CNTNAP5: variants seen among roughly 807,000 people sequenced by gnomAD.
CNTNAP5 encodes the protein contactin-associated protein-like 5.
CNTNAP5 carries 72 observed loss-of-function variants against 150.2 expected under a neutral mutation model. The ratio of observed to expected loss-of-function variants is 0.48; its 90% confidence interval spans 0.40 to 0.58. The LOEUF is 0.58. CNTNAP5 is among the 20% of genes least tolerant of loss of function. The pLI is 0.00. For synonymous variants in CNTNAP5, 672 were observed against 619.8 expected (o/e 1.08, Z -1.25); for missense variants, 1,636 against 1,626.2 (o/e 1.01, Z -0.10).
intron 19 of CNTNAP5, among the ~76,000 whole-genome samples, chr2:124,854,268 C>T (rs1046125698): frequency 8.5e-5 from 13 of 152,318 alleles, no homozygotes; most frequent in African/African-American, 2.9e-4. Flanking sequence ...TGCTGCCACA[C>T]ATCTCTTTTG....
chr2:124,805,672 G>A (rs190077540), intron 19 of CNTNAP5, among the ~76,000 whole-genome samples: 19 of 152,308 alleles, frequency 1.2e-4, no homozygotes, highest in African/African-American at 4.3e-4. Context: ...TGCCAGGGCT[G>A]CCAAAACAAA....
intron 19 of CNTNAP5, among the ~76,000 whole-genome samples, chr2:124,847,661 G>C (rs1371042388): frequency 6.6e-6 from 1 of 152,136 alleles, no homozygotes; most frequent in Non-Finnish European, 1.5e-5. Context: ...ACGTTCCTGT[G>C]GTAGTTCTTG....
chr2:124,258,863 CT>C (rs35963035), intron 3 of CNTNAP5, among the ~76,000 whole-genome samples: 296 of 148,662 alleles, frequency 2.0e-3, no homozygotes, highest in Admixed American at 2.8e-3. Flanking sequence ...TCCAGTAATA[CT>C]TTTTTTTTTT....
At chr2:124,597,630 G>A (rs1696860494) in intron 11 of CNTNAP5, among the ~76,000 whole-genome samples, 1 of 149,732 alleles carries the variant, frequency 6.7e-6, no homozygotes, top group Non-Finnish European at 1.5e-5. Context: ...TCTTGGAGTT[G>A]CTCTTCTCGA....
chr2:124,893,257 G>T (rs1055726792), intron 21 of CNTNAP5, among the ~76,000 whole-genome samples: 1 of 151,974 alleles, frequency 6.6e-6, no homozygotes, highest in African/African-American at 2.4e-5. Flanking sequence ...CTTTAAAATG[G>T]GCAGAGTAAC....
chr2:124,598,050 T>G (rs1229592114), intron 11 of CNTNAP5, among the ~76,000 whole-genome samples: 1 of 66,418 alleles, frequency 1.5e-5, no homozygotes, highest in Non-Finnish European at 2.9e-5. Context: ...TTCTTCTAAA[T>G]TTTTTTCAAA....
At chr2:124,091,041 T>C (rs1488044094) in intron 1 of CNTNAP5, among the ~76,000 whole-genome samples, 1 of 152,048 alleles carries the variant, frequency 6.6e-6, no homozygotes. Flanking sequence ...AGATTAAAGA[T>C]GTGTAGGGTT....
intron 16 of CNTNAP5, among the ~76,000 whole-genome samples, chr2:124,768,394 A>G (rs1310295419): frequency 2.0e-5 from 3 of 150,224 alleles, no homozygotes; most frequent in Non-Finnish European, 4.5e-5. Context: ...TTTCAGAAGT[A>G]TCATACTGAG....
intron 1 of CNTNAP5, among the ~76,000 whole-genome samples, chr2:124,215,712 C>CAAAAAAAAAAAAAAAAAAAAAAAACA (rs397985759): frequency 1.2e-5 from 1 of 82,058 alleles, no homozygotes. Context: ...AGAAGAAAGG[C>CAAAAAAAAAAAAAAAAAAAAAAAACA]AAAAAAAAAA....
At chr2:124,347,516 A>G (rs1689769139) in intron 3 of CNTNAP5, among the ~76,000 whole-genome samples, 1 of 152,100 alleles carries the variant, frequency 6.6e-6, no homozygotes, top group Non-Finnish European at 1.5e-5. Flanking sequence ...AAGCTGGGAA[A>G]CTGCTCCACA....
intron 13 of CNTNAP5, among the ~76,000 whole-genome samples, chr2:124,734,984 G>A (rs989858467): frequency 2.0e-5 from 3 of 152,070 alleles, no homozygotes; most frequent in African/African-American, 7.2e-5. Flanking sequence ...GAAGAATCTT[G>A]GGCTGTACTC....
chr2:124,052,277 C>T (rs1249208035), intron 1 of CNTNAP5, among the ~76,000 whole-genome samples: 2 of 152,164 alleles, frequency 1.3e-5, no homozygotes, highest in Non-Finnish European at 2.9e-5. Context: ...GTCTTTACTT[C>T]AAGCTAGTAT....
At chr2:124,828,549 T>C (rs1682646238) in intron 19 of CNTNAP5, among the ~76,000 whole-genome samples, 1 of 151,842 alleles carries the variant, frequency 6.6e-6, no homozygotes, top group African/African-American at 2.4e-5. Context: ...ACTAAAACCA[T>C]GCTTTGCCAT....
At chr2:124,626,503 A>G (rs1202946648) in intron 12 of CNTNAP5, among the ~76,000 whole-genome samples, 1 of 152,084 alleles carries the variant, frequency 6.6e-6, no homozygotes, top group Non-Finnish European at 1.5e-5. Context: ...GCCAAGGGAA[A>G]TGGTGAGGGA....
At chr2:124,672,374 A>G (rs1338570697) in intron 13 of CNTNAP5, among the ~76,000 whole-genome samples, 4 of 152,224 alleles carry the variant, frequency 2.6e-5, no homozygotes, top group African/African-American at 7.2e-5. Context: ...AGGTTAGCTC[A>G]TAACAGTGAA....
intron 3 of CNTNAP5, among the ~76,000 whole-genome samples, chr2:124,364,037 A>G (rs1690297117): frequency 6.6e-6 from 1 of 152,112 alleles, no homozygotes; most frequent in Non-Finnish European, 1.5e-5. Flanking sequence ...GAATCAGATG[A>G]TGGCTCTCCT....
At chr2:124,869,623 T>G in intron 20 of CNTNAP5, 52 bp from the exon 21 acceptor site, 2 of 1,216,740 alleles carry the variant, frequency 1.6e-6, no homozygotes, top group East Asian at 4.7e-5. Flanking sequence ...CGTTTTATGC[T>G]TCTTACCTGC....
rs543075621 is a variant in CNTNAP5, at chr2:124,570,531, T to C, written c.1756+7208T>C. On this transcript the variant is annotated intron_variant, in intron 11 of 23. Coordinates refer to ENST00000682447, the MANE Select transcript of CNTNAP5 (RefSeq NM_001367498.1). ...ATTGAGAAGGAACTTACTTCTCTGC[T>C]GGCCAACTAAGAGCCAGCCACAGTT... Among the ~76,000 whole-genome samples the C allele has an allele frequency of 2.2e-4, 34 of 151,630 alleles. No homozygotes were observed. The South Asian group carries it at 5.2e-3, about 23-fold the overall frequency.
chr2:124,254,060 G>A (rs2104783346), intron 3 of CNTNAP5, among the ~76,000 whole-genome samples: 1 of 152,206 alleles, frequency 6.6e-6, no homozygotes, highest in South Asian at 2.1e-4. Flanking sequence ...CTAAGCCTTA[G>A]AGTTCACATC....
Sources: allele counts gnomAD v4.1 joint callset (sites outside exome capture counted in the v4.1 genomes callset), GRCh38; gene constraint gnomAD v4.1.1; transcripts MANE v1.5; gene names NCBI Gene and HGNC (gene_info 2026-07-23, HGNC 2026-07-21).